OXR1: variants seen among roughly 807,000 people sequenced by gnomAD.
The protein encoded by OXR1 is oxidation resistance 1, also known as oxidation resistance protein 1.
OXR1 carries 41 observed loss-of-function variants against 104.6 expected under a neutral mutation model. That is an observed-to-expected ratio of 0.39 (90% CI 0.31 to 0.51). OXR1 has a LOEUF of 0.51. Among genes scored for constraint, OXR1 ranks in the 20% least tolerant of loss-of-function variants. The probability of loss-of-function intolerance (pLI) is 0.77; values close to 1 mark genes in which losing one functional copy is unlikely to be tolerated. For missense variants in OXR1, 955 were observed against 1,031.9 expected, an observed-to-expected ratio of 0.93 and a Z score of 1.02; for synonymous variants, 348 against 348.4, an observed-to-expected ratio of 1.00 and a Z score of 0.01.
intron 3 of OXR1, among the ~76,000 whole-genome samples, chr8:106,537,413 G>A (rs558965653): frequency 1.3e-5 from 2 of 152,260 alleles, no homozygotes; most frequent in African/African-American, 4.8e-5. Context: ...TGCCGTAAGA[G>A]TTTAAAAACG....
At chr8:106,346,930 C>T (rs1006431165) in intron 1 of OXR1, among the ~76,000 whole-genome samples, 8 of 152,172 alleles carry the variant, frequency 5.3e-5, no homozygotes, top group Non-Finnish European at 1.2e-4. Flanking sequence ...GTAGTCCCAG[C>T]TACTCGGGAG....
At chr8:106,687,269 T>A (rs1424556505) in intron 6 of OXR1, among the ~76,000 whole-genome samples, 2 of 152,162 alleles carry the variant, frequency 1.3e-5, no homozygotes, top group Non-Finnish European at 2.9e-5. Flanking sequence ...CATCTTATCT[T>A]TTGTCAGCCC....
intron 2 of OXR1, among the ~76,000 whole-genome samples, chr8:106,477,777 T>G (rs899207120): frequency 2.6e-5 from 4 of 152,024 alleles, no homozygotes; most frequent in African/African-American, 9.7e-5. Context: ...AAAGGTCATC[T>G]GTAGTGTCTG....
intron 2 of OXR1, among the ~76,000 whole-genome samples, chr8:106,431,039 A>G (rs1030149527): frequency 2.0e-5 from 3 of 152,288 alleles, no homozygotes; most frequent in East Asian, 3.9e-4. Context: ...CAGTTTCTAC[A>G]CACAACCCAG....
chr8:106,669,189 C>CA (rs1264809578), intron 3 of OXR1, among the ~76,000 whole-genome samples: 1 of 151,488 alleles, frequency 6.6e-6, no homozygotes. Context: ...GGATGTTTCA[C>CA]AGAGATCAGA....
chr8:106,384,190 T>A lies in OXR1; in HGVS notation c.23+24554T>A, dbSNP rs559504651. The stretch of plus-strand genomic sequence containing the variant: ...GGATGTTTGAGTTTAAAAATGTTAG[T>A]TAACTTTAAGACCAATTGGAGTCTG... On this transcript the variant is annotated intron_variant, in intron 2 of 16. Transcript: ENST00000517566. Among the ~76,000 whole-genome samples the A allele has an allele frequency of 3.0e-4, 46 of 152,338 alleles. 1 individual carries two copies. In the South Asian group the frequency reaches 9.5e-3, roughly 32 times the overall value.
At chr8:106,403,212 A>G (rs551110364) in intron 2 of OXR1, among the ~76,000 whole-genome samples, 2 of 152,356 alleles carry the variant, frequency 1.3e-5, no homozygotes, top group South Asian at 4.1e-4. Flanking sequence ...TGAAGTAAGA[A>G]TTTAGTAGGC....
intron 2 of OXR1, among the ~76,000 whole-genome samples, chr8:106,408,413 T>A (rs1010202955): frequency 5.9e-5 from 9 of 152,154 alleles, no homozygotes; most frequent in Non-Finnish European, 1.3e-4. Flanking sequence ...GACTTCTCTT[T>A]CTTCTCCTCC....
chr8:106,686,900 A>T lies in OXR1; in HGVS notation c.525+2541A>T, dbSNP rs62517939. 6.0e-3 allele frequency among the ~76,000 whole-genome samples: 914 copies of T among 152,250 alleles called. 5 individuals are homozygous for T. Among genetic ancestry groups the T allele is most frequent in the Non-Finnish European group, 9.0e-3 (612 of 68,000 alleles). On this transcript the variant is annotated intron_variant, in intron 6 of 16. Transcript: ENST00000517566. ...TATGGAGGAAGAAATATAGAAGGAG[A>T]TAGAACCAAAGTAATGGTAAAAATC...
intron 3 of OXR1, among the ~76,000 whole-genome samples, chr8:106,553,323 T>A (rs573439555): frequency 6.8e-6 from 1 of 147,774 alleles, no homozygotes; most frequent in South Asian, 2.1e-4. Flanking sequence ...TTTTCTTCTT[T>A]TTTTTTTTTT....
chr8:106,567,271 C>T (rs1817151785), intron 3 of OXR1, among the ~76,000 whole-genome samples: 1 of 152,036 alleles, frequency 6.6e-6, no homozygotes, highest in African/African-American at 2.4e-5. Flanking sequence ...GATATTGAAT[C>T]TATTTAGATT....
intron 3 of OXR1, among the ~76,000 whole-genome samples, chr8:106,610,022 A>G (rs541255497): frequency 6.6e-6 from 1 of 152,146 alleles, no homozygotes; most frequent in African/African-American, 2.4e-5. Flanking sequence ...ATTATCATAA[A>G]CTCTAGACCC....
At chr8:106,407,086 A>C (rs1051959149) in intron 2 of OXR1, among the ~76,000 whole-genome samples, 1 of 152,166 alleles carries the variant, frequency 6.6e-6, no homozygotes, top group Non-Finnish European at 1.5e-5. Flanking sequence ...TATTACTAAA[A>C]GTATCTGGAC....
At chr8:106,543,067 G>T (rs1015941576) in intron 3 of OXR1, among the ~76,000 whole-genome samples, 2 of 152,106 alleles carry the variant, frequency 1.3e-5, no homozygotes, top group South Asian at 2.1e-4. Flanking sequence ...GATAAAAGGG[G>T]CTGCACCTAT....
chr8:106,457,493 C>A (rs1373369421), intron 2 of OXR1, among the ~76,000 whole-genome samples: 5 of 152,150 alleles, frequency 3.3e-5, no homozygotes, highest in African/African-American at 1.2e-4. Context: ...AGAGGTGGGG[C>A]TGTGCCATCA....
At chr8:106,667,222 A>T (rs1826431758) in intron 3 of OXR1, among the ~76,000 whole-genome samples, 1 of 152,168 alleles carries the variant, frequency 6.6e-6, no homozygotes, top group Non-Finnish European at 1.5e-5. Context: ...TCTCTGTTTA[A>T]GATCTCCACT....
chr8:106,475,789 A>G (rs1821771806), intron 2 of OXR1, among the ~76,000 whole-genome samples: 1 of 151,966 alleles, frequency 6.6e-6, no homozygotes, highest in African/African-American at 2.4e-5. Flanking sequence ...GAAAGCACTC[A>G]TCTCCATCAA....
At chr8:106,389,675 T>C (rs1441268924) in intron 2 of OXR1, among the ~76,000 whole-genome samples, 2 of 152,182 alleles carry the variant, frequency 1.3e-5, no homozygotes, top group African/African-American at 4.8e-5. Flanking sequence ...AAAACTGATA[T>C]TTCATATTTG....
intron 6 of OXR1, among the ~76,000 whole-genome samples, chr8:106,686,352 T>C (rs1223126952): frequency 6.6e-6 from 1 of 152,016 alleles, no homozygotes; most frequent in African/African-American, 2.4e-5. Flanking sequence ...AATGATACTC[T>C]TTACCTGCCA....
Sources: allele counts gnomAD v4.1 joint callset (sites outside exome capture counted in the v4.1 genomes callset), GRCh38; gene constraint gnomAD v4.1.1; transcripts MANE v1.5; gene names NCBI Gene and HGNC (gene_info 2026-07-23, HGNC 2026-07-21).